CPS1: variants seen among roughly 807,000 people sequenced by gnomAD.
The protein encoded by CPS1 is carbamoyl-phosphate synthase [ammonia], mitochondrial.
CPS1 carries 109 observed loss-of-function variants against 174.6 expected under a neutral mutation model. The ratio of observed to expected loss-of-function variants is 0.62; its 90% CI spans 0.53 to 0.73. CPS1 has a LOEUF of 0.73. Ranked by LOEUF, CPS1 falls within the 30% of genes least tolerant of loss-of-function variation. The pLI is 0.00. For synonymous variants in CPS1, 637 were observed against 632.0 expected (o/e 1.01, Z -0.12); for missense variants, 1,689 against 1,821.9 (o/e 0.93, Z 1.33).
intron 1 of CPS1, among the ~76,000 whole-genome samples, chr2:210,511,975 A>G (rs578102326): frequency 6.6e-6 from 1 of 152,170 alleles, no homozygotes; most frequent in South Asian, 2.1e-4. Context: ...ATTGAGCCAA[A>G]TTTCAGATTC....
At chr2:210,588,034 A>G (rs1195223730) in intron 6 of CPS1, 24 bp from the exon 7 acceptor site, 1 of 1,609,998 alleles carries the variant, frequency 6.2e-7, no homozygotes, top group Non-Finnish European at 8.5e-7. Context: ...CTTCCCTCTC[A>G]TTCTCTGGTT....
At chr2:210,507,220 A>T (rs1466218684) in intron 1 of CPS1, among the ~76,000 whole-genome samples, 1 of 152,266 alleles carries the variant, frequency 6.6e-6, no homozygotes, top group Non-Finnish European at 1.5e-5. Context: ...GGGGGCCAAT[A>T]TTCAACATTC....
In CPS1 at chr2:210,650,350, C is replaced by T. The variant is rs749173940; in HGVS notation, c.3405-13C>T. 1 of 1,611,706 alleles carries T rather than the reference C, an allele frequency of 6.2e-7. No individual in the cohort carries two copies. Among genetic ancestry groups the T allele is most frequent in the South Asian group, 1.1e-5 (1 of 91,006 alleles). On this transcript the variant is annotated splice_polypyrimidine_tract_variant and intron_variant, in intron 27 of 37. Transcript: ENST00000233072. ...ATAAACCTGACCTGCTTTTTTTCCC[C>T]TTCCTTTTCCAGTGGGTCTGCTATG...
chr2:210,643,720 ATAGTTGTC>A (rs1470909156), intron 25 of CPS1, among the ~76,000 whole-genome samples: 5 of 152,158 alleles, frequency 3.3e-5, no homozygotes, highest in African/African-American at 9.6e-5. Flanking sequence ...ATGTATAATT[ATAGTTGTC>A]TACTTGGGCC....
At chr2:210,567,942 A>G (rs1574533620) in intron 1 of CPS1, among the ~76,000 whole-genome samples, 1 of 152,194 alleles carries the variant, frequency 6.6e-6, no homozygotes, top group African/African-American at 2.4e-5. Flanking sequence ...GCATTGTAAC[A>G]TGCTAATATC....
intron 1 of CPS1, among the ~76,000 whole-genome samples, chr2:210,508,906 A>G (rs1458401261): frequency 6.6e-6 from 1 of 152,198 alleles, no homozygotes; most frequent in Non-Finnish European, 1.5e-5. Flanking sequence ...CCAACCAAAA[A>G]AAGTCCGGGA....
intron 21 of CPS1, among the ~76,000 whole-genome samples, chr2:210,629,472 G>A (rs1018250621): frequency 3.3e-5 from 5 of 151,740 alleles, no homozygotes; most frequent in Non-Finnish European, 7.4e-5. Context: ...CTGCCACCAC[G>A]CCCAGCTAAT....
intron 29 of CPS1, among the ~76,000 whole-genome samples, chr2:210,655,433 G>A (rs1414142768): frequency 6.6e-6 from 1 of 152,116 alleles, no homozygotes; most frequent in Non-Finnish European, 1.5e-5. Context: ...AATGTTCCAG[G>A]TTATTCACAT....
intron 1 of CPS1, among the ~76,000 whole-genome samples, chr2:210,522,866 G>C (rs1574490302): frequency 6.6e-6 from 1 of 151,922 alleles, no homozygotes; most frequent in Non-Finnish European, 1.5e-5. Context: ...TGTTGTATTG[G>C]AAATCATTTG....
intron 1 of CPS1, among the ~76,000 whole-genome samples, chr2:210,507,211 G>A (rs900970312): frequency 1.2e-4 from 18 of 152,176 alleles, no homozygotes; most frequent in African/African-American, 4.3e-4. Context: ...GAAGAGAGTG[G>A]GGGCCAATAT....
In CPS1 at chr2:210,678,054, C is replaced by CA. The variant is rs1701591467; in HGVS notation, c.*71dup. The CA allele has an allele frequency of 8.8e-7, 1 of 1,138,494 alleles. No homozygotes were observed. The highest frequency in any genetic ancestry group is 1.5e-5 in the African/African-American group (1 of 65,688). 70.5% of individuals were successfully genotyped at this position (1,138,494 alleles called of 1,614,324 possible). On this transcript the variant is annotated 3_prime_UTR_variant, in exon 38 of 38. Transcript: ENST00000233072. ...CATGTTATCTAAAGGAACTGATTCA[C>CA]AACTTTCTCAGAGATGAATATTGAT...
At chr2:210,650,250 C>T in intron 27 of CPS1, 113 bp from the exon 28 acceptor site, 1 of 845,106 alleles carries the variant, frequency 1.2e-6, no homozygotes, top group South Asian at 1.4e-5. Flanking sequence ...GCAAGAGGCA[C>T]CTTCTTATTC....
At chr2:210,634,293 G>A (rs1699963000) in intron 21 of CPS1, among the ~76,000 whole-genome samples, 1 of 152,190 alleles carries the variant, frequency 6.6e-6, no homozygotes, top group Non-Finnish European at 1.5e-5. Flanking sequence ...AGCCAGGCGT[G>A]ATGGCGGACA....
At chr2:210,613,854 G>A (rs143443664) in intron 20 of CPS1, among the ~76,000 whole-genome samples, 4 of 151,886 alleles carry the variant, frequency 2.6e-5, no homozygotes, top group African/African-American at 7.3e-5. Context: ...TTGCCTGCTC[G>A]AGTGCTGGGA....
intron 6 of CPS1, among the ~76,000 whole-genome samples, 184 bp downstream of exon 6, chr2:210,582,893 T>G (rs1697974338): frequency 6.6e-6 from 1 of 152,158 alleles, no homozygotes; most frequent in East Asian, 1.9e-4. Context: ...TGGTTTTACT[T>G]ACAGGCTTAC....
chr2:210,544,619 T>G (rs898171573), intron 1 of CPS1, among the ~76,000 whole-genome samples: 47 of 152,068 alleles, frequency 3.1e-4, no homozygotes, highest in Non-Finnish European at 2.9e-5. Context: ...CAAATTATTT[T>G]CAACTGGATT....
chr2:210,509,444 G>A (rs1470945171), intron 1 of CPS1, among the ~76,000 whole-genome samples: 1 of 152,088 alleles, frequency 6.6e-6, no homozygotes, highest in Non-Finnish European at 1.5e-5. Context: ...GGCAAAAACT[G>A]GAAGCATTCC....
chr2:210,601,813 G>A (rs1698736246), intron 15 of CPS1, among the ~76,000 whole-genome samples: 1 of 151,908 alleles, frequency 6.6e-6, no homozygotes, highest in Non-Finnish European at 1.5e-5. Context: ...AGCTTCAGCA[G>A]CAGAGAACCT....
chr2:210,489,452 C>A (rs1489152501), intron 1 of CPS1, among the ~76,000 whole-genome samples: 2 of 152,144 alleles, frequency 1.3e-5, no homozygotes, highest in African/African-American at 4.8e-5. Flanking sequence ...ATATTTTCTT[C>A]CTTGCACATT....
Sources: allele counts gnomAD v4.1 joint callset (sites outside exome capture counted in the v4.1 genomes callset), GRCh38; gene constraint gnomAD v4.1.1; transcripts MANE v1.5; gene names NCBI Gene and HGNC (gene_info 2026-07-23, HGNC 2026-07-21).